Variants in NUSAP1 observed in about 807,000 individuals in gnomAD.
The protein encoded by NUSAP1 is nucleolar and spindle associated protein 1, also known as nucleolar and spindle-associated protein 1.
NUSAP1 carries 32 observed loss-of-function variants against 52.8 expected under a neutral mutation model. That is an observed-to-expected ratio of 0.61 (90% CI 0.46 to 0.81). The LOEUF is 0.81. Among genes scored for constraint, NUSAP1 ranks in the 40% least tolerant of loss-of-function variants. NUSAP1 has a pLI of 0.00. For synonymous variants in NUSAP1, 195 were observed against 183.1 expected, an observed-to-expected ratio of 1.06 and a Z score of -0.52; for missense variants, 499 against 522.3, an observed-to-expected ratio of 0.96 and a Z score of 0.43.
In NUSAP1 at chr15:41,377,384, T is replaced by A. The variant is rs1348896951; in HGVS notation, c.1232+80T>A. 6 of 745,624 alleles carry A rather than the reference T, an allele frequency of 8.0e-6. No homozygotes were observed. In the East Asian group the frequency reaches 8.8e-5, roughly 11 times the overall value. The allele number at this position is 745,624 out of a possible 1,614,324, so 46.2% of individuals were successfully genotyped here. A position where few individuals can be genotyped will look rare whatever the true frequency, so the allele number is the denominator to read the frequency against. On this transcript the variant is annotated intron_variant, in intron 10 of 10. Transcript: ENST00000559596. ...CTGAGGGATAGGGGCTCAGTAATAG[T>A]GGTGTTTTAAGAGGAGGTTAGAAGT...
At chr15:41,379,962 T>C (rs367824398) in intron 10 of NUSAP1, 131 bp from the exon 11 acceptor site, 4 of 634,282 alleles carry the variant, frequency 6.3e-6, no homozygotes, top group African/African-American at 5.5e-5. Context: ...CAGTGCCCTC[T>C]AAGAGTCTGT....
In NUSAP1 at chr15:41,349,215, ACTGTCCGTGTGGACC is replaced by A. The variant is rs2048693537; in HGVS notation, c.284_298del (p.Val95_Pro99del). ...CACCAAAACAAGGAGAAGGTGCAAGACTGTCCGTGTGGACCCTGACTCACAGGTGAATGGAAATAT... is the reference window on the plus strand; with the variant it reads ...CACCAAAACAAGGAGAAGGTGCAAGACTGACTCACAGGTGAATGGAAATAT... On this transcript the variant is annotated inframe_deletion, in exon 3 of 11. Transcript: ENST00000559596. 1 of 1,613,816 alleles carries A rather than the reference ACTGTCCGTGTGGACC, an allele frequency of 6.2e-7. No individual in the cohort carries two copies. Among genetic ancestry groups the A allele is most frequent in the Admixed American group, 1.7e-5 (1 of 59,992 alleles).
chr15:41,335,773 T>C (rs1476859031), intron 1 of NUSAP1, among the ~76,000 whole-genome samples: 1 of 145,482 alleles, frequency 6.9e-6, no homozygotes, highest in Admixed American at 7.0e-5. Flanking sequence ...TATACCGGTA[T>C]AAATATACTA....
intron 2 of NUSAP1, chr15:41,345,468 C>A (rs1391670768): frequency 7.2e-6 from 2 of 276,478 alleles, no homozygotes; most frequent in Non-Finnish European, 1.5e-5. Context: ...TTTTTTCTTT[C>A]TTTTTTTTTT....
chr15:41,358,988 C>T (rs1373517741), intron 6 of NUSAP1, among the ~76,000 whole-genome samples: 1 of 152,048 alleles, frequency 6.6e-6, no homozygotes, highest in Non-Finnish European at 1.5e-5. Context: ...CTCAAAGCCT[C>T]CTCAAGTAAG....
At chr15:41,338,965 C>CAA (rs56669444) in intron 1 of NUSAP1, among the ~76,000 whole-genome samples, 3 of 141,072 alleles carry the variant, frequency 2.1e-5, no homozygotes, top group Non-Finnish European at 3.1e-5. Context: ...ACTCTGTCTC[C>CAA]AAAAAAAAAA....
intron 9 of NUSAP1, among the ~76,000 whole-genome samples, chr15:41,376,127 G>C (rs1049488944): frequency 3.3e-5 from 5 of 152,186 alleles, no homozygotes; most frequent in African/African-American, 9.7e-5. Context: ...GGGCGCAGTG[G>C]CTCTGGCCTG....
chr15:41,345,327 G>A (rs76232936), intron 2 of NUSAP1, among the ~76,000 whole-genome samples: 3,083 of 152,010 alleles, frequency 0.02, 58 homozygotes, highest in Non-Finnish European at 0.028. Context: ...GACTATCAGG[G>A]AGTTGGAAAG....
intron 1 of NUSAP1, among the ~76,000 whole-genome samples, chr15:41,341,555 A>G (rs549857350): frequency 2.6e-5 from 4 of 152,144 alleles, no homozygotes; most frequent in African/African-American, 9.6e-5. Flanking sequence ...ACCGTACCAC[A>G]CTTCACCAGC....
At position 41,332,931 on chromosome 15, in the gene NUSAP1, C is replaced by T. The variant is rs369975076; in HGVS notation, c.-27C>T. The T allele has an allele frequency of 8.3e-6, 13 of 1,564,258 alleles. No homozygotes were observed. In the African/African-American group the frequency reaches 1.8e-4, roughly 21 times the overall value. On this transcript the variant is annotated 5_prime_UTR_variant, in exon 1 of 11. Coordinates refer to ENST00000559596, the MANE Select transcript of NUSAP1 (RefSeq NM_016359.5). ...TGACGAAGTTTGGTGATCCATCTTCCGAGTATCGCCGGGATTTCGAATCGC... is the reference window on the plus strand; with the variant it reads ...TGACGAAGTTTGGTGATCCATCTTCTGAGTATCGCCGGGATTTCGAATCGC...
intron 8 of NUSAP1, among the ~76,000 whole-genome samples, chr15:41,373,055 C>A (rs1007367280): frequency 1.4e-4 from 22 of 151,754 alleles, no homozygotes; most frequent in African/African-American, 5.3e-4. Context: ...CCACTGCACT[C>A]CAGCCAGCCT....
intron 1 of NUSAP1, among the ~76,000 whole-genome samples, chr15:41,336,070 G>A (rs1293458590): frequency 6.6e-6 from 1 of 150,802 alleles, no homozygotes; most frequent in Admixed American, 6.6e-5. Flanking sequence ...GACCAGACTG[G>A]CCAGCATGGC....
chr15:41,363,614 C>A (rs952583932), intron 6 of NUSAP1, among the ~76,000 whole-genome samples: 2 of 152,038 alleles, frequency 1.3e-5, no homozygotes, highest in East Asian at 3.9e-4. Flanking sequence ...CTCAAGCGGT[C>A]CCCCCTCTTC....
rs1206458726 is a variant in NUSAP1 at position 41,333,060 on chromosome 15, T to A, written c.93+10T>A. ...CCGGGCCAACCTGAGGGTACGGCGC[T>A]GGCGGTGCGGGTCCCTGGGCGGGCG... On this transcript the variant is annotated intron_variant, in intron 1 of 10. Transcript: ENST00000559596. 3 of 1,603,558 alleles carry A rather than the reference T, an allele frequency of 1.9e-6. No individual in the cohort carries two copies. In the African/African-American group the frequency reaches 4.0e-5, roughly 21 times the overall value.
At chr15:41,346,821 C>A (rs985072472) in intron 2 of NUSAP1, among the ~76,000 whole-genome samples, 1 of 130,108 alleles carries the variant, frequency 7.7e-6, no homozygotes. Context: ...AGCCAGACCC[C>A]GTCTCAAAAA....
chr15:41,349,511 G>A (rs1170284259), intron 3 of NUSAP1: 1 of 301,136 alleles, frequency 3.3e-6, no homozygotes, highest in Admixed American at 4.5e-5. Flanking sequence ...TAAGTGAGGT[G>A]TAGTAGGTAG....
At chr15:41,366,768 T>C (rs773017086) in intron 7 of NUSAP1, among the ~76,000 whole-genome samples, 4 of 152,236 alleles carry the variant, frequency 2.6e-5, no homozygotes, top group Non-Finnish European at 4.4e-5. Flanking sequence ...ACCATTTTTC[T>C]TTGAAGGTGA....
At chr15:41,336,655 T>TGTTTTTTTTTTTTTTTTG (rs748827154) in intron 1 of NUSAP1, among the ~76,000 whole-genome samples, 17 of 141,174 alleles carry the variant, frequency 1.2e-4, no homozygotes, top group South Asian at 4.4e-4. Context: ...TTGGTTTTTT[T>TGTTTTTTTTTTTTTTTTG]TTTTTTTTTT....
At chr15:41,360,894 G>T (rs753409875) in intron 6 of NUSAP1, among the ~76,000 whole-genome samples, 1 of 149,934 alleles carries the variant, frequency 6.7e-6, no homozygotes, top group Non-Finnish European at 1.5e-5. Flanking sequence ...TCCCGGGTTC[G>T]ACAGATCTTG....
Sources: allele counts gnomAD v4.1 joint callset (sites outside exome capture counted in the v4.1 genomes callset), GRCh38; gene constraint gnomAD v4.1.1; transcripts MANE v1.5; gene names NCBI Gene and HGNC (gene_info 2026-07-23, HGNC 2026-07-21).